Variants in PCDH9 observed in about 807,000 individuals in gnomAD.
The protein encoded by PCDH9 is protocadherin-9.
PCDH9 carries 24 observed loss-of-function variants against 70.6 expected under a neutral mutation model. The ratio of observed to expected loss-of-function variants is 0.34; its 90% CI spans 0.25 to 0.48. The LOEUF is 0.48. Ranked by LOEUF, PCDH9 falls within the 20% of genes least tolerant of loss-of-function variation. PCDH9 has a pLI of 0.99. For missense variants in PCDH9, 1,281 were observed against 1,503.6 expected (o/e 0.85, Z 2.45); for synonymous variants, 562 against 558.5 (o/e 1.01, Z -0.09).
At chr13:67,078,662 C>A (rs921061139) in intron 2 of PCDH9, among the ~76,000 whole-genome samples, 1 of 152,076 alleles carries the variant, frequency 6.6e-6, no homozygotes, top group Non-Finnish European at 1.5e-5. Flanking sequence ...ATAAAAAGTT[C>A]TTTACTTATA....
intron 4 of PCDH9, among the ~76,000 whole-genome samples, chr13:66,598,877 G>T (rs757171018): frequency 6.6e-6 from 1 of 151,808 alleles, no homozygotes; most frequent in Non-Finnish European, 1.5e-5. Flanking sequence ...TTGTTAAATT[G>T]AAATAGCTTT....
chr13:66,354,976 G>A (rs1385901371), intron 4 of PCDH9, among the ~76,000 whole-genome samples: 1 of 152,134 alleles, frequency 6.6e-6, no homozygotes, highest in African/African-American at 2.4e-5. Flanking sequence ...AAGTCTGGGT[G>A]GGATAAGGCC....
intron 2 of PCDH9, among the ~76,000 whole-genome samples, chr13:67,195,554 A>C (rs2089040843): frequency 6.6e-6 from 1 of 152,328 alleles, no homozygotes; most frequent in African/African-American, 2.4e-5. Flanking sequence ...ACAAGTTATT[A>C]GACTTTACCA....
intron 4 of PCDH9, among the ~76,000 whole-genome samples, chr13:66,492,600 G>T (rs1417614039): frequency 6.6e-6 from 1 of 151,762 alleles, no homozygotes; most frequent in Non-Finnish European, 1.5e-5. Flanking sequence ...ATGATGCTGG[G>T]TTAGTAACAG....
chr13:66,393,542 A>G (rs1306778856), intron 4 of PCDH9, among the ~76,000 whole-genome samples: 3 of 152,220 alleles, frequency 2.0e-5, no homozygotes, highest in Non-Finnish European at 4.4e-5. Flanking sequence ...TCCTTAGGGA[A>G]TGCCCACAGG....
intron 3 of PCDH9, among the ~76,000 whole-genome samples, chr13:66,794,431 T>A (rs542477008): frequency 6.6e-6 from 1 of 152,190 alleles, no homozygotes; most frequent in African/African-American, 2.4e-5. Flanking sequence ...AGAGGCAAAG[T>A]TTCAATACTT....
chr13:66,391,054 G>T (rs1022064119), intron 4 of PCDH9, among the ~76,000 whole-genome samples: 1 of 152,082 alleles, frequency 6.6e-6, no homozygotes, highest in Non-Finnish European at 1.5e-5. Flanking sequence ...GTTTCACTAA[G>T]AGCATTAGTG....
intron 3 of PCDH9, among the ~76,000 whole-genome samples, chr13:66,663,423 A>C (rs2078046296): frequency 6.6e-6 from 1 of 152,220 alleles, no homozygotes; most frequent in Non-Finnish European, 1.5e-5. Context: ...AAGGCCTTAG[A>C]GACTAGACAT....
intron 4 of PCDH9, among the ~76,000 whole-genome samples, chr13:66,388,795 T>C (rs1409495922): frequency 6.6e-6 from 1 of 152,068 alleles, no homozygotes. Context: ...GTCAGGCAAG[T>C]CTCTTGGAAA....
At position 66,565,905 on chromosome 13, in the gene PCDH9, G is replaced by GAA. The variant is rs1362165004; in HGVS notation, c.3340+65303_3340+65304dup. ...GCTTGGGAGAGAAGCTAAGATTTTA[G>GAA]AAAATGATGGAAAGAGCCTAAATAA... On this transcript the variant is annotated intron_variant, in intron 4 of 4. Coordinates refer to ENST00000377865, the MANE Select transcript of PCDH9 (RefSeq NM_203487.3). 3.9e-5 allele frequency among the ~76,000 whole-genome samples: 6 copies of GAA among 152,106 alleles called. No individual in the cohort carries two copies. The East Asian group carries it at 1.2e-3, about 29-fold the overall frequency.
At chr13:66,645,594 C>A (rs1291560937) in intron 3 of PCDH9, among the ~76,000 whole-genome samples, 1 of 151,908 alleles carries the variant, frequency 6.6e-6, no homozygotes, top group Non-Finnish European at 1.5e-5. Flanking sequence ...AAAATGCCTG[C>A]TAAAATAGAA....
intron 3 of PCDH9, among the ~76,000 whole-genome samples, chr13:66,868,494 T>C (rs932820343): frequency 6.6e-6 from 1 of 151,890 alleles, no homozygotes; most frequent in African/African-American, 2.4e-5. Flanking sequence ...TTAATAAATA[T>C]TTGAGGAACA....
Position 66,990,425 on chromosome 13 carries a change from GATACAT to G in PCDH9, c.3037-86826_3037-86821del, listed in dbSNP as rs539439821. On this transcript the variant is annotated intron_variant, in intron 2 of 4. Coordinates refer to ENST00000377865, the MANE Select transcript of PCDH9 (RefSeq NM_203487.3). ...AGAATATATTAAGCAAATGTAAGAAGATACATATACATATACATATAGGTTAGGTTC... is the reference window on the plus strand; with the variant it reads ...AGAATATATTAAGCAAATGTAAGAAGATACATATACATATAGGTTAGGTTC... Among the ~76,000 whole-genome samples the G allele has an allele frequency of 4.7e-4, 71 of 151,270 alleles. 1 individual carries two copies. The East Asian group carries it at 0.012, about 26-fold the overall frequency.
At chr13:66,925,008 G>T (rs1015269863) in intron 2 of PCDH9, among the ~76,000 whole-genome samples, 1 of 151,662 alleles carries the variant, frequency 6.6e-6, no homozygotes, top group Non-Finnish European at 1.5e-5. Context: ...AAACATGGAA[G>T]ATCTCAGCAA....
At chr13:66,794,078 T>C (rs1007433688) in intron 3 of PCDH9, among the ~76,000 whole-genome samples, 7 of 152,176 alleles carry the variant, frequency 4.6e-5, no homozygotes, top group African/African-American at 1.7e-4. Context: ...CTGTCATGTA[T>C]AATTCTATGA....
chr13:67,148,202 T>C (rs1594577014), intron 2 of PCDH9, among the ~76,000 whole-genome samples: 1 of 73,414 alleles, frequency 1.4e-5, no homozygotes, highest in South Asian at 3.5e-4. Flanking sequence ...CCTCCATGTC[T>C]TTTTTTTTTT....
chr13:66,759,829 T>C (rs564752681), intron 3 of PCDH9, among the ~76,000 whole-genome samples: 1 of 152,196 alleles, frequency 6.6e-6, no homozygotes, highest in African/African-American at 2.4e-5. Flanking sequence ...TTATTAAAAT[T>C]TTGAATATTT....
chr13:66,551,057 G>C (rs1464844685), intron 4 of PCDH9, among the ~76,000 whole-genome samples: 1 of 152,184 alleles, frequency 6.6e-6, no homozygotes, highest in African/African-American at 2.4e-5. Context: ...ATTTCAAGTT[G>C]AGGGTGACTA....
chr13:66,837,931 G>A (rs1379670853), intron 3 of PCDH9, among the ~76,000 whole-genome samples: 2 of 151,952 alleles, frequency 1.3e-5, no homozygotes, highest in African/African-American at 2.4e-5. Flanking sequence ...GCCAGGAAAC[G>A]CAATGGTAAT....
Sources: gnomAD v4.1 joint callset for allele counts (sites outside exome capture counted in the v4.1 genomes callset) on GRCh38, gnomAD v4.1.1 for gene constraint, MANE v1.5 for transcripts, NCBI Gene and HGNC (gene_info 2026-07-23, HGNC 2026-07-21) for gene names.